The following TRHDE variants were observed in gnomAD, a reference collection of about 807,000 sequenced individuals.
TRHDE encodes thyrotropin-releasing hormone-degrading ectoenzyme.
A neutral mutation model predicts 125.7 loss-of-function variants in TRHDE; 72 were observed. The ratio of observed to expected loss-of-function variants is 0.57; its 90% CI spans 0.47 to 0.70. TRHDE has a LOEUF of 0.70. Ranked by LOEUF, TRHDE falls within the 30% of genes least tolerant of loss-of-function variation. TRHDE has a pLI of 0.00. For synonymous variants in TRHDE, 509 were observed against 509.1 expected, an observed-to-expected ratio of 1.00 and a Z score of 0.00; for missense variants, 1,110 against 1,327.1, an observed-to-expected ratio of 0.84 and a Z score of 2.54.
At chr12:72,449,035 T>C (rs1243899101) in intron 3 of TRHDE, among the ~76,000 whole-genome samples, 1 of 152,040 alleles carries the variant, frequency 6.6e-6, no homozygotes. Flanking sequence ...ATATATTTTC[T>C]TAATTTGAAC....
Position 72,656,992 on chromosome 12 carries a change from A to G in TRHDE, c.3050A>G (p.Glu1017Gly). 6.2e-7 allele frequency: 1 copy of G among 1,601,334 alleles called. No individual in the cohort carries two copies. Among genetic ancestry groups the G allele is most frequent in the Non-Finnish European group, 8.6e-7 (1 of 1,169,468 alleles). Residue 1017 changes from glutamate (E) to glycine (G), a missense_variant, in exon 18 of 19, where the codon GAA (glutamate) becomes GGA (glycine). Coordinates refer to ENST00000261180, the MANE Select transcript of TRHDE (RefSeq NM_013381.3). ...ISGVTEFLNT[E>G]GELKELKNFM... Reference sequence around the variant, plus strand: ...GGTGTCACAGAATTTCTTAATACTGAAGGTGAACTCAAAGAGGTAAATATT... The same window carrying G: ...GGTGTCACAGAATTTCTTAATACTGGAGGTGAACTCAAAGAGGTAAATATT...
intron 2 of TRHDE, among the ~76,000 whole-genome samples, chr12:72,330,108 T>C (rs1869518516): frequency 1.3e-5 from 2 of 152,266 alleles, no homozygotes; most frequent in Admixed American, 1.3e-4. Flanking sequence ...TCTTGCTTGC[T>C]AACTTAAAGA....
intron 2 of TRHDE, among the ~76,000 whole-genome samples, chr12:72,335,810 G>T (rs1216423401): frequency 6.6e-6 from 1 of 152,172 alleles, no homozygotes; most frequent in Non-Finnish European, 1.5e-5. Flanking sequence ...TGTTTGATAA[G>T]TGGGCAAGAT....
At chr12:72,366,014 TTCTG>T (rs1871325978) in intron 2 of TRHDE, among the ~76,000 whole-genome samples, 1 of 152,090 alleles carries the variant, frequency 6.6e-6, no homozygotes, top group East Asian at 1.9e-4. Context: ...TTTTTCACAT[TTCTG>T]TCTGCTCCTG....
chr12:72,103,087 G>A (rs928697430), intron 1 of TRHDE, among the ~76,000 whole-genome samples: 1 of 152,174 alleles, frequency 6.6e-6, no homozygotes. Context: ...AGCACACCCT[G>A]TGCATGAAAT....
intron 9 of TRHDE, 122 bp from the exon 10 acceptor site, chr12:72,568,446 A>T: frequency 1.9e-6 from 1 of 529,542 alleles, no homozygotes; most frequent in Non-Finnish European, 3.2e-6. Flanking sequence ...GACCGGAATT[A>T]TTTTTTTTTA....
chr12:72,592,681 C>T (rs1437053316), intron 12 of TRHDE, among the ~76,000 whole-genome samples: 2 of 148,802 alleles, frequency 1.3e-5, no homozygotes, highest in Admixed American at 1.3e-4. Flanking sequence ...GGCCTTTTGC[C>T]TGTAGGTGAT....
chr12:72,366,063 C>T (rs940082982), intron 2 of TRHDE, among the ~76,000 whole-genome samples: 28 of 152,102 alleles, frequency 1.8e-4, no homozygotes, highest in East Asian at 1.9e-4. Flanking sequence ...GGAGGTCCAA[C>T]GAACTCTTTC....
intron 2 of TRHDE, among the ~76,000 whole-genome samples, chr12:72,246,918 GAAAGAAAAACTGTATTC>G (rs1565671939): frequency 1.3e-5 from 2 of 152,126 alleles, no homozygotes; most frequent in Non-Finnish European, 2.9e-5. Flanking sequence ...ATTATCTTGG[GAAAGAAAAACTGTATTC>G]AGTTGGATGA....
chr12:72,422,648 G>A (rs1056216372), intron 3 of TRHDE, among the ~76,000 whole-genome samples: 1 of 152,144 alleles, frequency 6.6e-6, no homozygotes. Context: ...GCAAGAAATA[G>A]TTGACTGTTT....
chr12:72,571,246 A>T (rs1310124961), intron 10 of TRHDE, among the ~76,000 whole-genome samples: 1 of 152,218 alleles, frequency 6.6e-6, no homozygotes, highest in African/African-American at 2.4e-5. Flanking sequence ...ATCACAATGA[A>T]AACTGTTTTT....
chr12:72,483,537 T>C (rs933420149), intron 5 of TRHDE, among the ~76,000 whole-genome samples: 4 of 152,000 alleles, frequency 2.6e-5, no homozygotes, highest in African/African-American at 4.8e-5. Context: ...TATTTTAACA[T>C]TTTTATACTT....
At chr12:72,615,650 G>T (rs1023753201) in intron 12 of TRHDE, among the ~76,000 whole-genome samples, 4 of 152,000 alleles carry the variant, frequency 2.6e-5, no homozygotes, top group African/African-American at 9.7e-5. Flanking sequence ...TACATATGTT[G>T]GTATCACAGC....
chr12:72,548,542 A>G (rs568494776), intron 7 of TRHDE, among the ~76,000 whole-genome samples: 1 of 151,772 alleles, frequency 6.6e-6, no homozygotes, highest in African/African-American at 2.4e-5. Context: ...GATTCTACGT[A>G]AGTAGAATAA....
intron 2 of TRHDE, among the ~76,000 whole-genome samples, chr12:72,152,063 T>C (rs1217337184): frequency 6.6e-6 from 1 of 151,942 alleles, no homozygotes; most frequent in Admixed American, 6.6e-5. Context: ...GTATCCTCTT[T>C]TATTTCATTG....
At chr12:72,188,314 A>G (rs557453378) in intron 2 of TRHDE, among the ~76,000 whole-genome samples, 1 of 152,360 alleles carries the variant, frequency 6.6e-6, no homozygotes, top group South Asian at 2.1e-4. Flanking sequence ...TTGGAATAAA[A>G]CTAGACTGAT....
intron 2 of TRHDE, among the ~76,000 whole-genome samples, chr12:72,198,721 G>A (rs1189520775): frequency 1.3e-5 from 2 of 152,172 alleles, no homozygotes; most frequent in African/African-American, 4.8e-5. Context: ...AAAGATTGCA[G>A]TAGATCAGAT....
chr12:72,262,821 G>A (rs780204872), intron 2 of TRHDE: 104 of 152,208 alleles, frequency 6.8e-4, no homozygotes, highest in Admixed American at 1.7e-3. Flanking sequence ...CTAGTTGGAT[G>A]TTAGCGCTTC....
chr12:72,512,209 T>C (rs1447613544), intron 6 of TRHDE, among the ~76,000 whole-genome samples: 1 of 151,808 alleles, frequency 6.6e-6, no homozygotes, highest in African/African-American at 2.4e-5. Context: ...TGTAGTGAGA[T>C]TCTGCTTTCA....
Sources: gnomAD v4.1 joint callset for allele counts (sites outside exome capture counted in the v4.1 genomes callset) on GRCh38, gnomAD v4.1.1 for gene constraint, MANE v1.5 for transcripts, NCBI Gene and HGNC (gene_info 2026-07-23, HGNC 2026-07-21) for gene names.